CHTOP: variants seen among roughly 807,000 people sequenced by gnomAD.
CHTOP encodes chromatin target of PRMT1.
Under a neutral mutation model 33.6 loss-of-function variants are expected in CHTOP, and 18 were observed. The observed-to-expected ratio is 0.54, with a 90% CI of 0.37 to 0.80. The LOEUF is 0.80. Ranked by LOEUF, CHTOP falls within the 30% of genes least tolerant of loss-of-function variation. CHTOP has a pLI of 0.00. For missense variants in CHTOP, 263 were observed against 336.8 expected (o/e 0.78, Z 1.71); for synonymous variants, 117 against 127.7 (o/e 0.92, Z 0.56).
At position 153,645,279 on chromosome 1, in the gene CHTOP, A is replaced by G. The variant is rs756441385; in HGVS notation, c.*10A>G. 6 of 1,613,776 alleles carry G rather than the reference A, an allele frequency of 3.7e-6. No homozygotes were observed. Among genetic ancestry groups the G allele is most frequent in the Non-Finnish European group, 8.5e-7 (1 of 1,179,766 alleles). ...CGAAACCAATGATTGAAGCCTGCCC[A>G]TCCTCCCATGAGAGACTCTTGTTAG... is the stretch of plus-strand genomic sequence containing the variant. On this transcript the variant is annotated 3_prime_UTR_variant, in exon 6 of 6. Transcript: ENST00000368694.
chr1:153,639,919 G>C (rs116213883), intron 3 of CHTOP, among the ~76,000 whole-genome samples: 2,819 of 152,072 alleles, frequency 0.019, 100 homozygotes, highest in African/African-American at 0.064. Context: ...AGCTACAGGC[G>C]CCCGCCACCA....
At chr1:153,636,140 G>A (rs1668388807) in intron 1 of CHTOP, among the ~76,000 whole-genome samples, 1 of 150,410 alleles carries the variant, frequency 6.6e-6, no homozygotes, top group African/African-American at 2.4e-5. Flanking sequence ...TGTTACCCAG[G>A]CTGGTCTCTA....
intron 3 of CHTOP, 28 bp downstream of exon 3, chr1:153,638,476 A>G (rs759206660): frequency 3.7e-6 from 6 of 1,613,958 alleles, no homozygotes; most frequent in Middle Eastern, 1.6e-4. Context: ...AATGCTCCAG[A>G]AGCAGCTGGT....
rs1046385266 is a variant in CHTOP, at chr1:153,638,380, A to G, written c.151A>G (p.Arg51Gly). 6.2e-7 allele frequency: 1 copy of G among 1,614,282 alleles called. No homozygotes were observed. Among genetic ancestry groups the G allele is most frequent in the Non-Finnish European group, 8.5e-7 (1 of 1,180,048 alleles). The change falls in exon 3 of 6, where the codon AGA becomes GGA. Residue 51 changes from arginine (R) to glycine (G), a missense_variant. By Grantham distance (125) the Arg-to-Gly change is moderately radical. Coordinates refer to ENST00000368694, the MANE Select transcript of CHTOP (RefSeq NM_015607.4). ...GCAACAACAGCAGCTAGCCAGTGCC[A>G]GAAACAGAAGACTGGCCCAGCAGAT... The part of the protein sequence containing the change: ...MQQQQQLASA[R>G]NRRLAQQMEN...
intron 3 of CHTOP, among the ~76,000 whole-genome samples, chr1:153,640,325 A>T (rs2101688665): frequency 6.6e-6 from 1 of 150,486 alleles, no homozygotes; most frequent in East Asian, 2.0e-4. Flanking sequence ...AAAAAAAAAA[A>T]AGCCGGGCAT....
rs181157113 is a variant in CHTOP, at chr1:153,641,073, C to T, written c.220-1173C>T. On this transcript the variant is annotated intron_variant, in intron 3 of 5. Coordinates refer to ENST00000368694, the MANE Select transcript of CHTOP (RefSeq NM_015607.4). ...TCGGGAGTAACAGGACAGGCCGTTACGGTTGGTTACACCTACTTATGCTAG... is the reference window on the plus strand; with the variant it reads ...TCGGGAGTAACAGGACAGGCCGTTATGGTTGGTTACACCTACTTATGCTAG... Among the ~76,000 whole-genome samples the T allele has an allele frequency of 4.6e-5, 7 of 152,332 alleles. No individual in the cohort carries two copies. In the East Asian group the frequency reaches 5.8e-4, roughly 13 times the overall value.
chr1:153,642,321 G>T lies in CHTOP; in HGVS notation c.295G>T (p.Ala99Ser), dbSNP rs1445310995. 1.1e-5 allele frequency: 17 copies of T among 1,614,082 alleles called. No individual in the cohort carries two copies. The highest frequency in any genetic ancestry group is 1.4e-5 in the Non-Finnish European group (17 of 1,180,020). The change falls in exon 4 of 6, where the codon GCA becomes TCA. Residue 99 changes from alanine (A) to serine (S), a missense_variant. By Grantham distance (99) the Ala-to-Ser change is moderately conservative (BLOSUM62 1). Around this residue, in one of 3 missense-constraint regions of CHTOP, gnomAD observed 168 missense variants for 179.9 expected, o/e 0.93. Transcript: ENST00000368694. ...ACCCATAGGGGCCCTGGCCAGGGGA[G>T]CAATCGGAGGACGAGGCCTACCCAT... ...GRPIGALARG[A>S]IGGRGLPIIQ...
rs569896131 is a variant in CHTOP at position 153,637,859 on chromosome 1, A to G, written c.66-436A>G. Reference sequence around the variant, plus strand: ...ATTTTAAAATGTGATACACTCCTGTAATTTATGAGAGTATGTTCATTGCTG... The same window carrying G: ...ATTTTAAAATGTGATACACTCCTGTGATTTATGAGAGTATGTTCATTGCTG... On this transcript the variant is annotated intron_variant, in intron 2 of 5. Coordinates refer to ENST00000368694, the MANE Select transcript of CHTOP (RefSeq NM_015607.4). 2.6e-4 allele frequency: 43 copies of G among 166,586 alleles called. No individual in the cohort carries two copies. In the South Asian group the frequency reaches 6.3e-3, roughly 25 times the overall value. 10.3% of individuals were successfully genotyped at this position (166,586 alleles called of 1,614,324 possible).
intron 1 of CHTOP, among the ~76,000 whole-genome samples, chr1:153,635,079 A>G (rs1668304658): frequency 6.6e-6 from 1 of 151,790 alleles, no homozygotes. Flanking sequence ...CGAACTCCCA[A>G]CCTCAGGTGA....
rs773305493 is a variant in CHTOP at position 153,645,104 on chromosome 1, C to T, written c.582C>T (p.Gly194=). The change falls in exon 6 of 6, where the codon GGC becomes GGT. Residue 194 remains glycine, a synonymous_variant. Coordinates refer to ENST00000368694, the MANE Select transcript of CHTOP (RefSeq NM_015607.4). ...MIGRGRGGFG[G]RGRGRGRGRG... ...GTCGGGGAAGAGGGGGCTTTGGAGG[C>T]CGAGGCCGAGGCCGTGGACGAGGGA... The T allele has an allele frequency of 3.4e-5, 55 of 1,613,082 alleles. 1 individual carries two copies. The South Asian group carries it at 5.7e-4, about 17-fold the overall frequency.
intron 1 of CHTOP, among the ~76,000 whole-genome samples, chr1:153,635,548 C>T (rs896955378): frequency 6.7e-6 from 1 of 150,338 alleles, no homozygotes; most frequent in African/African-American, 2.4e-5. Flanking sequence ...CGGCCCGGTG[C>T]GGTGGCTCAC....
chr1:153,635,042 A>G (rs1668301112), intron 1 of CHTOP, among the ~76,000 whole-genome samples: 1 of 151,702 alleles, frequency 6.6e-6, no homozygotes. Flanking sequence ...TAGTAGAGAC[A>G]TTTCTCCATG....
At chr1:153,635,096 C>T (rs1305364367) in intron 1 of CHTOP, among the ~76,000 whole-genome samples, 1 of 152,070 alleles carries the variant, frequency 6.6e-6, no homozygotes, top group Non-Finnish European at 1.5e-5. Context: ...GTGATCCGCC[C>T]GCCTCGGCCT....
At chr1:153,636,799 A>C in intron 2 of CHTOP, 146 bp downstream of exon 2, 1 of 643,892 alleles carries the variant, frequency 1.6e-6, no homozygotes, top group Non-Finnish European at 2.7e-6. Context: ...CATGTGGTAC[A>C]CAAAACAAAT....
At chr1:153,643,924 T>C (rs1424160953) in intron 5 of CHTOP, 2 of 152,290 alleles carry the variant, frequency 1.3e-5, no homozygotes, top group Non-Finnish European at 2.9e-5. Flanking sequence ...ATCAGTTAAC[T>C]AACTGGCTCT....
chr1:153,637,842 A>G (rs1668464351), intron 2 of CHTOP: 1 of 159,064 alleles, frequency 6.3e-6, no homozygotes, highest in South Asian at 1.8e-4. Flanking sequence ...ATATTTTAAA[A>G]TGTGATACAC....
chr1:153,635,152 G>A (rs1489646258), intron 1 of CHTOP, among the ~76,000 whole-genome samples: 1 of 140,288 alleles, frequency 7.1e-6, no homozygotes, highest in Non-Finnish European at 1.6e-5. Context: ...GCCCGGCCCT[G>A]CCTGTATTTT....
intron 3 of CHTOP, 86 bp from the exon 4 acceptor site, chr1:153,642,160 G>A: frequency 8.6e-7 from 1 of 1,158,586 alleles, no homozygotes; most frequent in Non-Finnish European, 1.2e-6. Flanking sequence ...CATCTCACTT[G>A]CTTCTTTTTC....
intron 5 of CHTOP, chr1:153,643,572 T>C (rs1571321507): frequency 4.3e-6 from 2 of 463,298 alleles, no homozygotes; most frequent in Middle Eastern, 1.2e-3. Context: ...GTGCATATTA[T>C]AGAGCCAGAT....
Sources: gnomAD v4.1 joint callset for allele counts (sites outside exome capture counted in the v4.1 genomes callset) on GRCh38, gnomAD v4.1.1 for gene constraint, gnomAD v4.1.1 regional missense constraint, MANE v1.5 for transcripts, NCBI Gene and HGNC (gene_info 2026-07-23, HGNC 2026-07-21) for gene names.